Variants in KNL1 observed in about 807,000 individuals in gnomAD.
KNL1 encodes outer kinetochore KNL1 complex subunit KNL1.
KNL1 carries 66 observed loss-of-function variants against 201.3 expected under a neutral mutation model. That is an observed-to-expected ratio of 0.33 (90% CI 0.27 to 0.40). The LOEUF (loss-of-function observed/expected upper bound fraction) is 0.40, where lower values mean the gene tolerates loss of function less well. Ranked by LOEUF, KNL1 falls within the 10% of genes least tolerant of loss-of-function variation. The probability of loss-of-function intolerance (pLI) is 1.00; values close to 1 mark genes in which losing one functional copy is unlikely to be tolerated. For missense variants in KNL1, 2,815 were observed against 2,690.5 expected, an observed-to-expected ratio of 1.05 and a Z score of -1.02; for synonymous variants, 895 against 899.2, an observed-to-expected ratio of 1.00 and a Z score of 0.08.
Position 40,650,375 on chromosome 15 carries a change from A to G in KNL1, c.6169A>G (p.Lys2057Glu), listed in dbSNP as rs1739095614. ...EWDSEMRAAE[K>E]ELEQLKTEEE... ...GGATTCTGAAATGAGAGCTGCAGAAAAAGGTAATTGAATTAGTTAAGGAGA... is the reference window on the plus strand; with the variant it reads ...GGATTCTGAAATGAGAGCTGCAGAAGAAGGTAATTGAATTAGTTAAGGAGA... Residue 2057 changes from lysine to glutamate, a missense_variant, in exon 18 of 26, where the codon AAA becomes GAA. Coordinates refer to ENST00000399668, the MANE Select transcript of KNL1 (RefSeq NM_144508.5). The G allele has an allele frequency of 1.2e-6, 2 of 1,611,274 alleles. No individual in the cohort carries two copies. Among genetic ancestry groups the G allele is most frequent in the Non-Finnish European group, 1.7e-6 (2 of 1,177,584 alleles).
Position 40,625,881 on chromosome 15 carries a change from CA to C in KNL1, c.5376+246del, listed in dbSNP as rs1892737813. On this transcript the variant is annotated intron_variant, in intron 10 of 25. Coordinates refer to ENST00000399668, the MANE Select transcript of KNL1 (RefSeq NM_144508.5). ...CAAAAAAATTAAATGGAAAATTGTA[CA>C]AAAAGTAGCCAAAGTTAAAATTGTA... 1.4e-5 allele frequency: 6 copies of C among 421,240 alleles called. No homozygotes were observed. The East Asian group carries it at 2.5e-4, about 18-fold the overall frequency. 26.1% of individuals were successfully genotyped at this position (421,240 alleles called of 1,614,324 possible). A position where few individuals can be genotyped will look rare whatever the true frequency, so the allele number is the denominator to read the frequency against.
Position 40,625,084 on chromosome 15 carries a change from A to C in KNL1, c.4820A>C (p.Asn1607Thr). 6.2e-7 allele frequency: 1 copy of C among 1,613,774 alleles called. No homozygotes were observed. The highest frequency in any genetic ancestry group is 8.5e-7 in the Non-Finnish European group (1 of 1,179,844). ...MHIVQATEIH[N>T]INIISSNAKD... is the part of the protein sequence containing the mutation. ...ATAGTGCAAGCTACAGAAATACATAATATTAACATAATCTCCAGCAATGCT... is the reference window on the plus strand; with the variant it reads ...ATAGTGCAAGCTACAGAAATACATACTATTAACATAATCTCCAGCAATGCT... Residue 1607 changes from asparagine to threonine, a missense_variant, in exon 10 of 26, where the codon AAT becomes ACT. Physicochemically the swap from Asn to Thr is moderately conservative, Grantham distance 65. Coordinates refer to ENST00000399668, the MANE Select transcript of KNL1 (RefSeq NM_144508.5).
intron 1 of KNL1, among the ~76,000 whole-genome samples, chr15:40,602,106 T>C (rs1245015998): frequency 6.6e-6 from 1 of 150,640 alleles, no homozygotes; most frequent in Non-Finnish European, 1.5e-5. Context: ...CTCGGCTCAC[T>C]GCAAGCTCCG....
At chr15:40,645,632 G>T (rs1298792278) in intron 15 of KNL1, 24 bp from the exon 16 acceptor site, 1 of 1,347,150 alleles carries the variant, frequency 7.4e-7, no homozygotes, top group Non-Finnish European at 1.0e-6. Flanking sequence ...TTAGTACAGT[G>T]TTCTCTATAA....
Position 40,657,434 on chromosome 15 carries a change from C to G in KNL1, c.6674C>G (p.Pro2225Arg). 1 of 1,574,768 alleles carries G rather than the reference C, an allele frequency of 6.4e-7. No individual in the cohort carries two copies. The highest frequency in any genetic ancestry group is 2.2e-5 in the East Asian group (1 of 44,654). Residue 2225 changes from proline (P) to arginine (R), a missense_variant, in exon 24 of 26, where the codon CCA (proline) becomes CGA (arginine). Pro to Arg is a moderately radical substitution (Grantham distance 103). Transcript: ENST00000399668. Reference sequence around the variant, plus strand: ...ATTGAGTATTTAAAGAGATGGGGACCAAATTATAACCTAATGAACATAGAT... The same window carrying G: ...ATTGAGTATTTAAAGAGATGGGGACGAAATTATAACCTAATGAACATAGAT... Reference protein sequence around the residue: ...EEIEYLKRWGPNYNLMNIDIN... With the variant: ...EEIEYLKRWGRNYNLMNIDIN...
rs1223979657 is a variant in KNL1, at chr15:40,624,496, G to C, written c.4232G>C (p.Gly1411Ala). 1 of 1,613,652 alleles carries C rather than the reference G, an allele frequency of 6.2e-7. No homozygotes were observed. The highest frequency in any genetic ancestry group is 1.3e-5 in the African/African-American group (1 of 75,022). The change falls in exon 10 of 26, where the codon GGG becomes GCG. Residue 1411 changes from glycine to alanine, a missense_variant. Coordinates refer to ENST00000399668, the MANE Select transcript of KNL1 (RefSeq NM_144508.5). ...NQTLVYSQDL[G>A]EMTKLNSKRV... The stretch of plus-strand genomic sequence containing the variant: ...ACTTTAGTATATAGTCAAGATCTGG[G>C]GGAGATGACTAAACTTAATTCAAAG...
In KNL1 at chr15:40,622,840, A is replaced by G. The variant is rs1892590017; in HGVS notation, c.2576A>G (p.Asp859Gly). 2 of 1,613,570 alleles carry G rather than the reference A, an allele frequency of 1.2e-6. No individual in the cohort carries two copies. The change falls in exon 10 of 26, where the codon GAT (aspartate) becomes GGT (glycine). Residue 859 changes from aspartate to glycine, a missense_variant. Asp to Gly is a moderately conservative substitution (Grantham distance 94). Around this residue, in one of 3 missense-constraint regions of KNL1, gnomAD observed 2,464 missense variants for 2,291.7 expected, o/e 1.08. Transcript: ENST00000399668. ...GRKSVGGPKI[D>G]KTIVFSEDDK... ...AAAAGTGTTGGTGGACCAAAAATTG[A>G]TAAGACTATTGTATTTTCAGAAGAC...
intron 7 of KNL1, among the ~76,000 whole-genome samples, 178 bp from the exon 8 acceptor site, chr15:40,615,163 A>C (rs1892297954): frequency 6.6e-6 from 1 of 152,158 alleles, no homozygotes; most frequent in Admixed American, 6.5e-5. Flanking sequence ...GTCTTTTTTT[A>C]AAAAGATGTC....
chr15:40,634,116 T>C (rs1892990542), intron 13 of KNL1, among the ~76,000 whole-genome samples: 1 of 152,160 alleles, frequency 6.6e-6, no homozygotes, highest in South Asian at 2.1e-4. Flanking sequence ...TGTTTGTTTG[T>C]TTGTTTTGAG....
At chr15:40,646,082 A>G (rs1249431131) in intron 16 of KNL1, among the ~76,000 whole-genome samples, 1 of 152,236 alleles carries the variant, frequency 6.6e-6, no homozygotes, top group Non-Finnish European at 1.5e-5. Flanking sequence ...TATCTTCTTC[A>G]TAGTCCATAC....
chr15:40,605,707 C>T (rs1304778271), intron 3 of KNL1, among the ~76,000 whole-genome samples: 1 of 152,190 alleles, frequency 6.6e-6, no homozygotes, highest in Non-Finnish European at 1.5e-5. Flanking sequence ...GCCTCAGCCT[C>T]CCAAAGCGCT....
At chr15:40,637,368 G>A (rs1436162170) in intron 13 of KNL1, among the ~76,000 whole-genome samples, 2 of 138,422 alleles carry the variant, frequency 1.4e-5, no homozygotes, top group Admixed American at 7.3e-5. Flanking sequence ...GATTAACAGC[G>A]TTTTTTTTTT....
intron 5 of KNL1, among the ~76,000 whole-genome samples, chr15:40,609,357 G>A (rs1892082726): frequency 6.6e-6 from 1 of 152,102 alleles, no homozygotes; most frequent in African/African-American, 2.4e-5. Context: ...CTAGGCTGCA[G>A]TGAGCCATGA....
rs769286835 is a variant in KNL1 at position 40,606,405 on chromosome 15, C to G, written c.88C>G (p.Pro30Ala). ...ATTGTTACCCTAGATATTGAAACCCCCAAGGAGTCCTCTTCAGGACCTCAG... is the reference window on the plus strand; with the variant it reads ...ATTGTTACCCTAGATATTGAAACCCGCAAGGAGTCCTCTTCAGGACCTCAG... ...RRRHSSILKP[P>A]RSPLQDLRGG... is the part of the protein sequence containing the mutation. Residue 30 changes from proline to alanine, a missense_variant, in exon 4 of 26, where the codon CCA becomes GCA. By Grantham distance (27) the Pro-to-Ala change is conservative. Transcript: ENST00000399668. The G allele has an allele frequency of 1.9e-6, 3 of 1,577,654 alleles. No homozygotes were observed. The highest frequency in any genetic ancestry group is 2.6e-6 in the Non-Finnish European group (3 of 1,147,836).
At chr15:40,651,224 A>G (rs1893549245) in intron 19 of KNL1, among the ~76,000 whole-genome samples, 1 of 151,358 alleles carries the variant, frequency 6.6e-6, no homozygotes, top group East Asian at 2.0e-4. Context: ...GGATATCTTC[A>G]TGGATCCTAA....
In KNL1 at chr15:40,622,233, C is replaced by T. The variant is rs920756297; in HGVS notation, c.1969C>T (p.Pro657Ser). The part of the protein sequence containing the change: ...KILPYLDKDS[P>S]QSADCNQEIA... ...TTTGCCCTACCTTGATAAAGATTCT[C>T]CTCAGTCAGCTGATTGTAATCAGGA... Residue 657 changes from proline (P) to serine (S), a missense_variant, in exon 10 of 26, where the codon CCT becomes TCT. Pro to Ser is a moderately conservative substitution (Grantham distance 74). Coordinates refer to ENST00000399668, the MANE Select transcript of KNL1 (RefSeq NM_144508.5). 1.9e-6 allele frequency: 3 copies of T among 1,613,932 alleles called. No individual in the cohort carries two copies. Among genetic ancestry groups the T allele is most frequent in the Non-Finnish European group, 2.5e-6 (3 of 1,179,944 alleles).
At position 40,621,835 on chromosome 15, in the gene KNL1, T is replaced by C. The variant is rs1021819879; in HGVS notation, c.1571T>C (p.Met524Thr). Residue 524 changes from methionine (M) to threonine (T), a missense_variant, in exon 10 of 26, where the codon ATG becomes ACG. Around this residue, in one of 3 missense-constraint regions of KNL1, gnomAD observed 2,464 missense variants for 2,291.7 expected, o/e 1.08. Coordinates refer to ENST00000399668, the MANE Select transcript of KNL1 (RefSeq NM_144508.5). ...PEKEMMLQNL[M>T]TTSEDGKMNV... ...AAAGAAATGATGCTCCAAAATCTTA[T>C]GACCACATCAGAAGATGGGAAAATG... is the stretch of plus-strand genomic sequence containing the variant. 2.2e-5 allele frequency: 35 copies of C among 1,614,082 alleles called. No homozygotes were observed. The East Asian group carries it at 6.9e-4, about 32-fold the overall frequency.
At chr15:40,642,731 G>A (rs946257885) in intron 14 of KNL1, among the ~76,000 whole-genome samples, 11 of 152,104 alleles carry the variant, frequency 7.2e-5, no homozygotes, top group African/African-American at 2.4e-4. Context: ...GGGTTCAAGC[G>A]ATTCTCTTGC....
intron 13 of KNL1, among the ~76,000 whole-genome samples, chr15:40,638,548 A>G (rs1055116787): frequency 2.8e-4 from 43 of 151,440 alleles, no homozygotes; most frequent in Admixed American, 2.8e-3. Flanking sequence ...CTGGAGTGCA[A>G]TGGTGCGATC....
Sources: allele counts gnomAD v4.1 joint callset (sites outside exome capture counted in the v4.1 genomes callset), GRCh38; gene constraint gnomAD v4.1.1; regional missense constraint gnomAD v4.1.1; transcripts MANE v1.5; gene names NCBI Gene and HGNC (gene_info 2026-07-23, HGNC 2026-07-21).